Variants in ADGRL2 observed in about 807,000 individuals in gnomAD.
ADGRL2 encodes adhesion G protein-coupled receptor L2, also known as calcium-independent alpha-latrotoxin receptor 2.
Under a neutral mutation model 157.4 loss-of-function variants are expected in ADGRL2, and 44 were observed. The ratio of observed to expected loss-of-function variants is 0.28; its 90% CI spans 0.22 to 0.36. The LOEUF (loss-of-function observed/expected upper bound fraction) is 0.36. Among genes scored for constraint, ADGRL2 ranks in the 10% least tolerant of loss-of-function variants. The pLI, the probability that ADGRL2 is intolerant of heterozygous loss-of-function variation, is 1.00. For synonymous variants in ADGRL2, 585 were observed against 624.7 expected (o/e 0.94, Z 0.95); for missense variants, 1,510 against 1,768.9 (o/e 0.85, Z 2.63).
At chr1:81,840,511 G>T (rs1349888918) in intron 2 of ADGRL2, among the ~76,000 whole-genome samples, 1 of 152,058 alleles carries the variant, frequency 6.6e-6, no homozygotes, top group East Asian at 1.9e-4. Flanking sequence ...CATATTTTGT[G>T]TACACATACA....
intron 1 of ADGRL2, among the ~76,000 whole-genome samples, chr1:81,388,092 T>C (rs1039721988): frequency 2.0e-5 from 3 of 152,166 alleles, no homozygotes; most frequent in African/African-American, 7.2e-5. Flanking sequence ...TTCTGTTTCT[T>C]GCAGCTATTT....
At chr1:81,576,994 A>G (rs2080810571) in intron 2 of ADGRL2, among the ~76,000 whole-genome samples, 1 of 152,094 alleles carries the variant, frequency 6.6e-6, no homozygotes, top group African/African-American at 2.4e-5. Flanking sequence ...TTCTATAAGC[A>G]ATCTCTTGAA....
At chr1:81,818,755 A>G (rs981067872) in intron 1 of ADGRL2, among the ~76,000 whole-genome samples, 2 of 152,214 alleles carry the variant, frequency 1.3e-5, no homozygotes, top group African/African-American at 4.8e-5. Context: ...ATACTACGAT[A>G]TCATGCCAAA....
At chr1:81,921,565 G>T (rs937434609) in intron 3 of ADGRL2, among the ~76,000 whole-genome samples, 1 of 152,078 alleles carries the variant, frequency 6.6e-6, no homozygotes, top group African/African-American at 2.4e-5. Context: ...CACAGCACAC[G>T]GCCCTCCACT....
At chr1:81,902,838 G>A (rs1231650904) in intron 2 of ADGRL2, among the ~76,000 whole-genome samples, 2 of 152,148 alleles carry the variant, frequency 1.3e-5, no homozygotes, top group Non-Finnish European at 2.9e-5. Context: ...ATGTTTTCCT[G>A]TGATTTGTGT....
chr1:81,382,745 G>C (rs1485398972), intron 1 of ADGRL2, among the ~76,000 whole-genome samples: 1 of 152,088 alleles, frequency 6.6e-6, no homozygotes, highest in Non-Finnish European at 1.5e-5. Flanking sequence ...TGATACAATT[G>C]GTCTTATCTT....
intron 2 of ADGRL2, among the ~76,000 whole-genome samples, chr1:81,859,140 A>G (rs1347271418): frequency 1.2e-5 from 1 of 86,730 alleles, no homozygotes; most frequent in East Asian, 3.6e-4. Flanking sequence ...ATGGTAAAGG[A>G]AAATTTTGTC....
At chr1:81,773,718 A>G (rs2086466350) in intron 2 of ADGRL2, among the ~76,000 whole-genome samples, 1 of 152,144 alleles carries the variant, frequency 6.6e-6, no homozygotes, top group Non-Finnish European at 1.5e-5. Flanking sequence ...ATTATTGAGC[A>G]TTTTACTCTA....
chr1:81,944,108 T>C (rs1177013598), intron 6 of ADGRL2, among the ~76,000 whole-genome samples: 1 of 152,014 alleles, frequency 6.6e-6, no homozygotes, highest in Non-Finnish European at 1.5e-5. Context: ...GTTCAGACCT[T>C]TTAACTTCTT....
At chr1:81,519,280 T>C (rs2079255074) in intron 2 of ADGRL2, among the ~76,000 whole-genome samples, 2 of 152,324 alleles carry the variant, frequency 1.3e-5, no homozygotes, top group East Asian at 3.9e-4. Flanking sequence ...AAAAGCTGAG[T>C]CTACCTATAG....
At chr1:81,378,175 CTCA>C (rs2076282800) in intron 1 of ADGRL2, among the ~76,000 whole-genome samples, 2 of 96,056 alleles carry the variant, frequency 2.1e-5, no homozygotes, top group African/African-American at 6.9e-5. Context: ...GAGACTCTGT[CTCA>C]AAAAAAAAAA....
intron 2 of ADGRL2, among the ~76,000 whole-genome samples, chr1:81,456,517 C>T (rs1410321408): frequency 6.6e-6 from 1 of 152,106 alleles, no homozygotes; most frequent in Non-Finnish European, 1.5e-5. Context: ...GGGTTACAGG[C>T]ATAAGCCGTC....
intron 3 of ADGRL2, among the ~76,000 whole-genome samples, chr1:81,605,688 AGTTTATCTTG>A (rs2081418717): frequency 6.6e-6 from 1 of 152,200 alleles, no homozygotes; most frequent in Non-Finnish European, 1.5e-5. Context: ...GCAGTGATTT[AGTTTATCTTG>A]GGAGAAACTT....
intron 1 of ADGRL2, among the ~76,000 whole-genome samples, chr1:81,403,228 GTTTT>G (rs11338962): frequency 3.9e-5 from 5 of 129,478 alleles, no homozygotes; most frequent in Non-Finnish European, 9.2e-5. Flanking sequence ...ACTTTTCCTT[GTTTT>G]TTTTTTGTTG....
intron 1 of ADGRL2, among the ~76,000 whole-genome samples, chr1:81,343,070 T>C: frequency 6.9e-6 from 1 of 145,560 alleles, no homozygotes; most frequent in African/African-American, 2.5e-5. Context: ...TTTTTTTCTT[T>C]TCTTTTTTTC....
At chr1:81,739,762 G>A (rs2085014439) in intron 1 of ADGRL2, among the ~76,000 whole-genome samples, 1 of 152,266 alleles carries the variant, frequency 6.6e-6, no homozygotes, top group Admixed American at 6.5e-5. Flanking sequence ...TTCTGAACAG[G>A]GGCATTCTTA....
intron 1 of ADGRL2, among the ~76,000 whole-genome samples, chr1:81,327,871 C>T (rs571584019): frequency 2.2e-4 from 33 of 152,202 alleles, no homozygotes; most frequent in African/African-American, 6.3e-4. Flanking sequence ...ATCTCAGTAC[C>T]GTGGACAAGG....
intron 2 of ADGRL2, among the ~76,000 whole-genome samples, chr1:81,470,775 C>T (rs892695971): frequency 1.3e-5 from 2 of 152,048 alleles, no homozygotes; most frequent in Admixed American, 6.6e-5. Context: ...AATAATTGCT[C>T]AAAGATCAAA....
chr1:81,922,854 A>G (rs1355547094), intron 3 of ADGRL2, among the ~76,000 whole-genome samples: 2 of 152,168 alleles, frequency 1.3e-5, no homozygotes, highest in African/African-American at 2.4e-5. Context: ...CATCTCTATA[A>G]TAAATAAAAT....
Sources: gnomAD v4.1 joint callset for allele counts (sites outside exome capture counted in the v4.1 genomes callset) on GRCh38, gnomAD v4.1.1 for gene constraint, MANE v1.5 for transcripts, NCBI Gene and HGNC (gene_info 2026-07-23, HGNC 2026-07-21) for gene names.